Variants in SLC9A9 observed in about 807,000 individuals in gnomAD.
SLC9A9 encodes sodium/hydrogen exchanger 9.
In SLC9A9, 62 loss-of-function variants were observed where a neutral mutation model predicts 77.8. That is an observed-to-expected ratio of 0.80 (90% CI 0.65 to 0.98). SLC9A9 has a LOEUF of 0.98. SLC9A9 is among the 50% of genes least tolerant of loss of function. The pLI, the probability that SLC9A9 is intolerant of heterozygous loss-of-function variation, is 0.00. For missense variants in SLC9A9, 775 were observed against 774.9 expected, an observed-to-expected ratio of 1.00 and a Z score of 0.00; for synonymous variants, 320 against 283.5, an observed-to-expected ratio of 1.13 and a Z score of -1.29.
rs578231113 is a variant in SLC9A9, at chr3:143,520,086, T to C, written c.1090-24638A>G. 3.9e-5 allele frequency among the ~76,000 whole-genome samples: 6 copies of C among 152,342 alleles called. No homozygotes were observed. In the South Asian group the frequency reaches 1.2e-3, roughly 32 times the overall value. ...TAAGTGGTATTTAAATTCATGAGTC[T>C]AAATCAGATCATCTAGGAAATGAGT... On this transcript the variant is annotated intron_variant, in intron 9 of 15. Transcript: ENST00000316549.
chr3:143,774,628 A>G (rs1318160746), intron 4 of SLC9A9, among the ~76,000 whole-genome samples: 1 of 152,206 alleles, frequency 6.6e-6, no homozygotes, highest in East Asian at 1.9e-4. Flanking sequence ...CTCTTACGTT[A>G]TTATGTGTAT....
At chr3:143,681,257 G>T (rs999694406) in intron 5 of SLC9A9, among the ~76,000 whole-genome samples, 1 of 151,784 alleles carries the variant, frequency 6.6e-6, no homozygotes, top group Non-Finnish European at 1.5e-5. Flanking sequence ...ATAATATTTG[G>T]TATTAGATTT....
At chr3:143,726,066 C>T (rs1934643214) in intron 4 of SLC9A9, among the ~76,000 whole-genome samples, 1 of 151,088 alleles carries the variant, frequency 6.6e-6, no homozygotes, top group African/African-American at 2.4e-5. Flanking sequence ...TACAGTTGTC[C>T]TCTAACAATG....
At chr3:143,766,863 C>CA (rs1455562893) in intron 4 of SLC9A9, among the ~76,000 whole-genome samples, 1 of 152,178 alleles carries the variant, frequency 6.6e-6, no homozygotes, top group Non-Finnish European at 1.5e-5. Flanking sequence ...CATAAGCCAC[C>CA]ATGCCCAGCC....
At chr3:143,797,540 A>G (rs755622439) in intron 2 of SLC9A9, among the ~76,000 whole-genome samples, 2 of 152,188 alleles carry the variant, frequency 1.3e-5, no homozygotes, top group African/African-American at 2.4e-5. Context: ...AAAGAAGTGA[A>G]AATGGCCGGT....
At chr3:143,267,332 A>G (rs1434806589) in intron 15 of SLC9A9, among the ~76,000 whole-genome samples, 1 of 148,596 alleles carries the variant, frequency 6.7e-6, no homozygotes, top group African/African-American at 2.5e-5. Context: ...TCCTTGAAAC[A>G]CAGTTATTGC....
intron 6 of SLC9A9, among the ~76,000 whole-genome samples, chr3:143,597,189 A>G (rs891892347): frequency 6.6e-6 from 1 of 152,172 alleles, no homozygotes; most frequent in Non-Finnish European, 1.5e-5. Flanking sequence ...CACTTATTAT[A>G]TAGCCTGTTC....
intron 4 of SLC9A9, among the ~76,000 whole-genome samples, chr3:143,695,626 A>C (rs1484208854): frequency 6.6e-6 from 1 of 152,190 alleles, no homozygotes; most frequent in East Asian, 1.9e-4. Context: ...GCTATCGTGA[A>C]TAATGCTGTA....
At chr3:143,680,452 C>G (rs1394331578) in intron 5 of SLC9A9, among the ~76,000 whole-genome samples, 1 of 152,058 alleles carries the variant, frequency 6.6e-6, no homozygotes, top group Non-Finnish European at 1.5e-5. Context: ...ATAATTAAAT[C>G]TTCCCATTCT....
chr3:143,807,483 T>A (rs1051944014), intron 2 of SLC9A9, among the ~76,000 whole-genome samples: 3 of 152,000 alleles, frequency 2.0e-5, no homozygotes, highest in African/African-American at 7.3e-5. Flanking sequence ...CCATTTTATT[T>A]CATGATCTAT....
intron 4 of SLC9A9, among the ~76,000 whole-genome samples, chr3:143,723,845 G>A (rs1001319122): frequency 1.3e-5 from 2 of 152,116 alleles, no homozygotes; most frequent in East Asian, 1.9e-4. Flanking sequence ...AGAATCCCAG[G>A]TCAGAGTACC....
chr3:143,432,964 C>T (rs911946941), intron 12 of SLC9A9, among the ~76,000 whole-genome samples: 1 of 152,188 alleles, frequency 6.6e-6, no homozygotes, highest in Non-Finnish European at 1.5e-5. Flanking sequence ...GCATTTCTTA[C>T]CTTTGGACTC....
intron 2 of SLC9A9, 98 bp downstream of exon 2, chr3:143,831,921 G>A: frequency 9.5e-7 from 1 of 1,049,512 alleles, no homozygotes; most frequent in Non-Finnish European, 1.4e-6. Context: ...AGGCATATAT[G>A]TGTGTGTGAA....
At chr3:143,626,444 T>G (rs891659033) in intron 6 of SLC9A9, among the ~76,000 whole-genome samples, 1 of 152,158 alleles carries the variant, frequency 6.6e-6, no homozygotes, top group Non-Finnish European at 1.5e-5. Flanking sequence ...CCATAAAAAA[T>G]GATGAGTTCA....
At chr3:143,605,342 G>C (rs2037903612) in intron 6 of SLC9A9, among the ~76,000 whole-genome samples, 1 of 152,096 alleles carries the variant, frequency 6.6e-6, no homozygotes, top group Non-Finnish European at 1.5e-5. Flanking sequence ...GCCAACTCAG[G>C]TGCCTGCAAG....
At chr3:143,296,010 A>C (rs185640775) in intron 14 of SLC9A9, among the ~76,000 whole-genome samples, 20 of 152,308 alleles carry the variant, frequency 1.3e-4, no homozygotes, top group African/African-American at 4.8e-4. Flanking sequence ...AATAGTTAAT[A>C]ATGTGGCATT....
intron 4 of SLC9A9, among the ~76,000 whole-genome samples, chr3:143,710,105 G>GT (rs1464261618): frequency 6.6e-6 from 1 of 152,218 alleles, no homozygotes; most frequent in African/African-American, 2.4e-5. Context: ...GGGATGAATT[G>GT]TATCAACTCA....
rs137994789 is a variant in SLC9A9, at chr3:143,495,416, G to A, written c.1122C>T (p.Asn374=). 196 of 1,613,898 alleles carry A rather than the reference G, an allele frequency of 1.2e-4. No individual in the cohort carries two copies. The highest frequency in any genetic ancestry group is 4.9e-4 in the Middle Eastern group (3 of 6,084). Residue 374 remains asparagine, a synonymous_variant, in exon 10 of 16, where the codon AAC becomes AAT. Transcript: ENST00000316549. ...LFEFMNFLAE[N]VIFCYMGLAL... is the part of the protein sequence containing the mutation. ...CCAGGCCCATGTAACAGAAGATGAC[G>A]TTCTCCGCCAAAAAGTTCATAAATT...
At chr3:143,345,185 G>A (rs1450729966) in intron 14 of SLC9A9, among the ~76,000 whole-genome samples, 2 of 152,150 alleles carry the variant, frequency 1.3e-5, no homozygotes, top group African/African-American at 4.8e-5. Flanking sequence ...ATAAATTTGA[G>A]TATAAATTCG....
Sources: gnomAD v4.1 joint callset for allele counts (sites outside exome capture counted in the v4.1 genomes callset) on GRCh38, gnomAD v4.1.1 for gene constraint, MANE v1.5 for transcripts, NCBI Gene and HGNC (gene_info 2026-07-23, HGNC 2026-07-21) for gene names.